Variants in CSNK1A1 observed in about 807,000 individuals in gnomAD.
CSNK1A1 encodes the protein casein kinase I isoform alpha.
Under a neutral mutation model 46.1 loss-of-function variants are expected in CSNK1A1, and 7 were observed. The ratio of observed to expected loss-of-function variants is 0.15; its 90% CI spans 0.09 to 0.29. The LOEUF is 0.29. CSNK1A1 is among the 10% of genes least tolerant of loss of function. The pLI is 1.00. For synonymous variants in CSNK1A1, 137 were observed against 141.5 expected (o/e 0.97, Z 0.23); for missense variants, 96 against 417.1 (o/e 0.23, Z 6.71).
intron 6 of CSNK1A1, among the ~76,000 whole-genome samples, chr5:149,510,687 C>A (rs953347858): frequency 2.0e-5 from 3 of 151,848 alleles, no homozygotes; most frequent in African/African-American, 7.3e-5. Flanking sequence ...CCATACTGAC[C>A]AGGCTGGTCT....
intron 9 of CSNK1A1, among the ~76,000 whole-genome samples, chr5:149,500,803 G>T (rs1427900902): frequency 9.2e-5 from 13 of 141,004 alleles, no homozygotes; most frequent in Non-Finnish European, 1.8e-4. Flanking sequence ...TAAAGTTAAA[G>T]AATAATTAAA....
In CSNK1A1 at chr5:149,502,302, G is replaced by A; in HGVS notation, c.1006+3145C>T. The A allele has an allele frequency of 4.2e-6, 4 of 963,438 alleles. No homozygotes were observed. In the South Asian group the frequency reaches 1.9e-4, roughly 46 times the overall value. The allele number at this position is 963,438 out of a possible 1,614,324, so 59.7% of individuals were successfully genotyped here. The stretch of plus-strand genomic sequence containing the variant: ...TTAGTTCAATAATACTAAATCCTCT[G>A]AAAATTTAACTCTGTGAAGAGTAAT... On this transcript the variant is annotated intron_variant, in intron 9 of 9. Transcript: ENST00000377843.
Position 149,497,713 on chromosome 5 carries a change from T to C in CSNK1A1, c.1007-853A>G, listed in dbSNP as rs948558004. 1.3e-5 allele frequency: 13 copies of C among 985,404 alleles called. No homozygotes were observed. In the East Asian group the frequency reaches 1.1e-3, roughly 86 times the overall value. 61.0% of individuals were successfully genotyped at this position (985,404 alleles called of 1,614,324 possible). A position where few individuals can be genotyped will look rare whatever the true frequency, so the allele number is the denominator to read the frequency against. On this transcript the variant is annotated intron_variant, in intron 9 of 9. Transcript: ENST00000377843. ...CCCACTCTGAGGCACCAATGCTCCTTTGTCTACCTCCTTACAAATGAGCTA... is the reference window on the plus strand; with the variant it reads ...CCCACTCTGAGGCACCAATGCTCCTCTGTCTACCTCCTTACAAATGAGCTA...
At chr5:149,496,982 C>G (rs557731334) in intron 9 of CSNK1A1, 122 bp from the exon 10 acceptor site, 6 of 1,463,540 alleles carry the variant, frequency 4.1e-6, no homozygotes, top group South Asian at 2.9e-5. Flanking sequence ...GTTATTTCGT[C>G]TCTTGTGAAA....
At chr5:149,515,814 CA>C (rs1286760561) in intron 4 of CSNK1A1, among the ~76,000 whole-genome samples, 4 of 152,124 alleles carry the variant, frequency 2.6e-5, no homozygotes, top group African/African-American at 9.7e-5. Flanking sequence ...TATGTAAAGG[CA>C]GAACCAAATG....
rs1762629809 is a variant in CSNK1A1 at position 149,550,682 on chromosome 5, G to A, written c.123+160C>T. On this transcript the variant is annotated intron_variant, in intron 1 of 9. Coordinates refer to ENST00000377843, the MANE Select transcript of CSNK1A1 (RefSeq NM_001892.6). This position sits in a 1 kb window ranked among gnomAD's most constrained non-coding sequence, Gnocchi z 4.3. The stretch of plus-strand genomic sequence containing the variant: ...ATCGGGTTCTTGACCCTTTTAGGGA[G>A]ACAGCGGACGAGGTTCGTAAGCCAG... 6.6e-6 allele frequency among the ~76,000 whole-genome samples: 1 copy of A among 152,184 alleles called. No individual in the cohort carries two copies. Among genetic ancestry groups the A allele is most frequent in the East Asian group, 1.9e-4 (1 of 5,172 alleles).
At chr5:149,538,029 T>TTTTTG (rs1762114932) in intron 2 of CSNK1A1, among the ~76,000 whole-genome samples, 1 of 142,328 alleles carries the variant, frequency 7.0e-6, no homozygotes, top group Non-Finnish European at 1.5e-5. Flanking sequence ...TTTTTTTTTT[T>TTTTTG]TTTTTTTTTT....
At chr5:149,501,212 A>G in intron 9 of CSNK1A1, 1 of 985,354 alleles carries the variant, frequency 1.0e-6, no homozygotes, top group Non-Finnish European at 1.2e-6. Flanking sequence ...TTGCACTTTC[A>G]TCCGCATTTC....
chr5:149,538,862 C>T (rs1022027353), intron 2 of CSNK1A1, among the ~76,000 whole-genome samples: 14 of 151,210 alleles, frequency 9.3e-5, no homozygotes, highest in African/African-American at 3.4e-4. Flanking sequence ...GCGGATGTTG[C>T]GGTGAGCCGA....
At chr5:149,507,224 G>A (rs575187826) in intron 7 of CSNK1A1, 91 bp from the exon 8 acceptor site, 2 of 978,350 alleles carry the variant, frequency 2.0e-6, no homozygotes, top group South Asian at 3.5e-5. Context: ...AGATATTTTT[G>A]GGCGGGATAT....
chr5:149,498,794 T>C, intron 9 of CSNK1A1: 1 of 985,448 alleles, frequency 1.0e-6, no homozygotes, highest in Non-Finnish European at 1.2e-6. Flanking sequence ...AAAACCACCA[T>C]CACTAACAAA....
chr5:149,503,496 T>C, intron 9 of CSNK1A1: 2 of 985,456 alleles, frequency 2.0e-6, no homozygotes, highest in Non-Finnish European at 2.4e-6. Context: ...ATGTGTTTTA[T>C]GAAAAGCCTA....
chr5:149,507,197 T>C, intron 7 of CSNK1A1, 64 bp from the exon 8 acceptor site: 30 of 1,260,452 alleles, frequency 2.4e-5, no homozygotes, highest in Non-Finnish European at 3.4e-5. Context: ...AATAAATGCA[T>C]TTAAGTATAA....
At chr5:149,506,283 T>C (rs1027535299) in intron 8 of CSNK1A1, among the ~76,000 whole-genome samples, 1 of 150,440 alleles carries the variant, frequency 6.6e-6, no homozygotes, top group African/African-American at 2.5e-5. Context: ...GTCACCCAGG[T>C]TGGAGTGCAC....
At chr5:149,503,621 A>G (rs1760940458) in intron 9 of CSNK1A1, 4 of 985,200 alleles carry the variant, frequency 4.1e-6, no homozygotes, top group Non-Finnish European at 4.8e-6. Flanking sequence ...AATACAAAAT[A>G]AGGATTAAAC....
At chr5:149,549,986 CG>C in intron 2 of CSNK1A1, 88 bp downstream of exon 2, 1 of 1,467,722 alleles carries the variant, frequency 6.8e-7, no homozygotes, top group Non-Finnish European at 9.2e-7. Flanking sequence ...CACCAAGACC[CG>C]GATTCAGCTG....
In CSNK1A1 at chr5:149,550,807, G is replaced by T; in HGVS notation, c.123+35C>A. 6.2e-7 allele frequency: 1 copy of T among 1,613,478 alleles called. No homozygotes were observed. The highest frequency in any genetic ancestry group is 8.5e-7 in the Non-Finnish European group (1 of 1,179,574). ...GGTGGTGGGGGGAATGAGTAAAAGC[G>T]CAGCGTTATCGTGAACCCCACCCCA... On this transcript the variant is annotated intron_variant, in intron 1 of 9. Transcript: ENST00000377843. The surrounding 1 kb of genome is among the most constrained non-coding windows in gnomAD (Gnocchi z 4.3).
chr5:149,542,628 A>G (rs1040476068), intron 2 of CSNK1A1, among the ~76,000 whole-genome samples: 56 of 12,078 alleles, frequency 4.6e-3, no homozygotes, highest in East Asian at 0.017. Flanking sequence ...ATATATATAT[A>G]TATATATATA....
intron 9 of CSNK1A1, 88 bp downstream of exon 9, chr5:149,505,359 C>T (rs960439001): frequency 1.3e-6 from 2 of 1,482,876 alleles, no homozygotes; most frequent in African/African-American, 1.4e-5. Context: ...TTAAAACCAC[C>T]TCCTTGATCT....
Sources: allele counts gnomAD v4.1 joint callset (sites outside exome capture counted in the v4.1 genomes callset), GRCh38; gene constraint gnomAD v4.1.1; non-coding constraint Gnocchi (gnomAD v3.1); transcripts MANE v1.5; gene names NCBI Gene and HGNC (gene_info 2026-07-23, HGNC 2026-07-21).